Variants in PTPRD observed in about 807,000 individuals in gnomAD.
PTPRD encodes the protein receptor-type tyrosine-protein phosphatase delta.
A neutral mutation model predicts 214.5 loss-of-function variants in PTPRD; 34 were observed. The ratio of observed to expected loss-of-function variants is 0.16; its 90% confidence interval spans 0.12 to 0.21. The LOEUF (loss-of-function observed/expected upper bound fraction) is 0.21, where lower values mean the gene tolerates loss of function less well. Among genes scored for constraint, PTPRD ranks in the 10% least tolerant of loss-of-function variants. PTPRD has a pLI of 1.00. For synonymous variants in PTPRD, 1,128 were observed against 845.7 expected, an observed-to-expected ratio of 1.33 and a Z score of -5.79; for missense variants, 2,545 against 2,398.7, an observed-to-expected ratio of 1.06 and a Z score of -1.27.
intron 9 of PTPRD, among the ~76,000 whole-genome samples, chr9:9,339,682 G>A (rs139232742): frequency 1.3e-5 from 2 of 152,098 alleles, no homozygotes; most frequent in Admixed American, 6.5e-5. Flanking sequence ...GAAACACTTA[G>A]AATAGCTACT....
chr9:9,975,057 A>G (rs1193172172), intron 4 of PTPRD, among the ~76,000 whole-genome samples: 1 of 104,888 alleles, frequency 9.5e-6, no homozygotes. Flanking sequence ...AGGTCGTATC[A>G]CAATCAACTG....
chr9:9,773,249 G>C (rs1383932356), intron 5 of PTPRD, among the ~76,000 whole-genome samples: 1 of 152,024 alleles, frequency 6.6e-6, no homozygotes, highest in Non-Finnish European at 1.5e-5. Flanking sequence ...TTATAAATCA[G>C]AGTAAAACAC....
intron 5 of PTPRD, among the ~76,000 whole-genome samples, chr9:9,875,113 T>C (rs1048692152): frequency 1.4e-4 from 22 of 152,238 alleles, no homozygotes; most frequent in Admixed American, 7.9e-4. Context: ...AAATATTTAG[T>C]TCTTACTGAG....
intron 8 of PTPRD, among the ~76,000 whole-genome samples, chr9:9,523,110 G>A (rs1310576876): frequency 6.6e-6 from 1 of 151,970 alleles, no homozygotes; most frequent in Non-Finnish European, 1.5e-5. Flanking sequence ...AATAAAATAG[G>A]CAAAGTCCAG....
chr9:8,359,079 A>G (rs199665587), intron 39 of PTPRD, among the ~76,000 whole-genome samples: 7 of 113,568 alleles, frequency 6.2e-5, no homozygotes, highest in Non-Finnish European at 1.0e-4. Context: ...CTGCACTCCC[A>G]CCTGGGCCAC....
chr9:9,490,183 A>G (rs2095839286), intron 8 of PTPRD, among the ~76,000 whole-genome samples: 1 of 152,126 alleles, frequency 6.6e-6, no homozygotes, highest in South Asian at 2.1e-4. Context: ...CTCAGGAAGA[A>G]ATTAAGACAT....
At chr9:8,426,797 G>T (rs2094706483) in intron 35 of PTPRD, among the ~76,000 whole-genome samples, 1 of 143,968 alleles carries the variant, frequency 6.9e-6, no homozygotes, top group East Asian at 2.0e-4. Flanking sequence ...AATGTCTGAG[G>T]TTTTTTTTTT....
intron 7 of PTPRD, among the ~76,000 whole-genome samples, chr9:9,729,792 C>T (rs1389440224): frequency 6.6e-6 from 1 of 151,864 alleles, no homozygotes; most frequent in Admixed American, 6.6e-5. Flanking sequence ...TTAGTAAATT[C>T]ATGAGAGTAT....
At chr9:9,516,143 C>A (rs1259209652) in intron 8 of PTPRD, among the ~76,000 whole-genome samples, 2 of 152,026 alleles carry the variant, frequency 1.3e-5, no homozygotes, top group Admixed American at 1.3e-4. Flanking sequence ...TCCTCTCTGT[C>A]TTCTTGTACC....
At chr9:8,576,074 T>C (rs2092314688) in intron 14 of PTPRD, among the ~76,000 whole-genome samples, 1 of 152,308 alleles carries the variant, frequency 6.6e-6, no homozygotes. Flanking sequence ...TGGGAGCAAA[T>C]AATGTTTGCA....
intron 3 of PTPRD, among the ~76,000 whole-genome samples, chr9:10,327,735 A>T (rs1695527630): frequency 6.6e-6 from 1 of 151,796 alleles, no homozygotes; most frequent in Non-Finnish European, 1.5e-5. Context: ...CCTGAGGAAG[A>T]AAGTACAAAA....
At chr9:8,747,393 C>A (rs7858753) in intron 11 of PTPRD, among the ~76,000 whole-genome samples, 8,317 of 152,106 alleles carry the variant, frequency 0.055, 553 homozygotes, top group African/African-American at 0.16. Flanking sequence ...CGAGGAAACA[C>A]CTATCAAACA....
intron 9 of PTPRD, among the ~76,000 whole-genome samples, chr9:9,389,530 C>T (rs1183122826): frequency 2.0e-5 from 3 of 152,012 alleles, no homozygotes; most frequent in Non-Finnish European, 4.4e-5. Flanking sequence ...AATAAAAAAA[C>T]ATTAATTATG....
intron 2 of PTPRD, among the ~76,000 whole-genome samples, chr9:10,374,344 G>A (rs1407009578): frequency 1.3e-5 from 2 of 151,986 alleles, no homozygotes; most frequent in Non-Finnish European, 2.9e-5. Context: ...ATTATCTAGG[G>A]GTTAAATGTG....
Position 9,811,325 on chromosome 9 carries a change from G to C in PTPRD, c.-367-44474C>G, listed in dbSNP as rs112016902. Reference sequence around the variant, plus strand: ...ATGTGGTAGAAATGCAAGAGAACTAGAACTACAAGTGGAGCCTGAAGATGG... The same window carrying C: ...ATGTGGTAGAAATGCAAGAGAACTACAACTACAAGTGGAGCCTGAAGATGG... On this transcript the variant is annotated intron_variant, in intron 5 of 45. Transcript: ENST00000381196. 8.3e-3 allele frequency among the ~76,000 whole-genome samples: 1,266 copies of C among 152,286 alleles called. 12 individuals are homozygous for C. The highest frequency in any genetic ancestry group is 0.014 in the Non-Finnish European group (929 of 68,010).
chr9:9,797,523 C>G (rs758330649), intron 5 of PTPRD, among the ~76,000 whole-genome samples: 8 of 152,006 alleles, frequency 5.3e-5, no homozygotes, highest in South Asian at 2.1e-4. Flanking sequence ...TAATCCAAAA[C>G]TGATGAGGCT....
chr9:9,789,099 A>AT (rs1453912553), intron 5 of PTPRD, among the ~76,000 whole-genome samples: 1 of 152,146 alleles, frequency 6.6e-6, no homozygotes, highest in Non-Finnish European at 1.5e-5. Flanking sequence ...ATCTTATAAC[A>AT]TTTTTTGCCT....
intron 10 of PTPRD, among the ~76,000 whole-genome samples, chr9:9,174,473 T>A (rs879517287): frequency 4.6e-5 from 7 of 152,216 alleles, no homozygotes; most frequent in African/African-American, 1.7e-4. Context: ...TTATAAGTTA[T>A]GTTATTCCAA....
chr9:9,004,653 A>T (rs1251184003), intron 11 of PTPRD, among the ~76,000 whole-genome samples: 1 of 152,088 alleles, frequency 6.6e-6, no homozygotes, highest in Non-Finnish European at 1.5e-5. Flanking sequence ...TGGATGATAT[A>T]ACCACCCTGC....
Sources: allele counts gnomAD v4.1 joint callset (sites outside exome capture counted in the v4.1 genomes callset), GRCh38; gene constraint gnomAD v4.1.1; transcripts MANE v1.5; gene names NCBI Gene and HGNC (gene_info 2026-07-23, HGNC 2026-07-21).